The following ARHGAP15 variants were observed in gnomAD, a reference collection of about 807,000 sequenced individuals.
The protein encoded by ARHGAP15 is rho GTPase-activating protein 15.
Under a neutral mutation model 63.7 loss-of-function variants are expected in ARHGAP15, and 51 were observed. The ratio of observed to expected loss-of-function variants is 0.80; its 90% CI spans 0.64 to 1.01. The LOEUF (loss-of-function observed/expected upper bound fraction) is 1.01, where lower values mean the gene tolerates loss of function less well. Ranked by LOEUF, ARHGAP15 falls within the 50% of genes least tolerant of loss-of-function variation. ARHGAP15 has a pLI of 0.00. For synonymous variants in ARHGAP15, 191 were observed against 193.8 expected (o/e 0.99, Z 0.12); for missense variants, 560 against 564.6 (o/e 0.99, Z 0.08).
At chr2:143,277,435 A>G (rs1681615207) in intron 6 of ARHGAP15, among the ~76,000 whole-genome samples, 1 of 151,982 alleles carries the variant, frequency 6.6e-6, no homozygotes, top group African/African-American at 2.4e-5. Flanking sequence ...TGCTTGACAC[A>G]TAGATGAAAT....
intron 13 of ARHGAP15, among the ~76,000 whole-genome samples, chr2:143,710,832 A>C (rs1304807051): frequency 6.6e-6 from 1 of 152,212 alleles, no homozygotes; most frequent in Admixed American, 6.5e-5. Context: ...GAAACTGTAC[A>C]ACATTGAGAA....
intron 5 of ARHGAP15, chr2:143,235,858 A>G (rs1445007923): frequency 1.1e-5 from 15 of 1,427,274 alleles, no homozygotes; most frequent in Non-Finnish European, 1.3e-5. Context: ...ACACTTTCCT[A>G]TTTTAGTATC....
chr2:143,577,425 G>A (rs573473767), intron 11 of ARHGAP15, among the ~76,000 whole-genome samples: 1 of 152,178 alleles, frequency 6.6e-6, no homozygotes, highest in African/African-American at 2.4e-5. Context: ...CTGATTTTAA[G>A]GGACAAAAAC....
intron 8 of ARHGAP15, among the ~76,000 whole-genome samples, chr2:143,464,545 T>C (rs1691112460): frequency 6.6e-6 from 1 of 152,190 alleles, no homozygotes; most frequent in Admixed American, 6.5e-5. Flanking sequence ...AAAACTATGC[T>C]TAGTCTTGCC....
intron 8 of ARHGAP15, among the ~76,000 whole-genome samples, chr2:143,438,282 C>T (rs531141295): frequency 2.6e-5 from 4 of 152,012 alleles, no homozygotes; most frequent in East Asian, 3.9e-4. Context: ...CACATACACA[C>T]GTATGTATGT....
chr2:143,617,851 C>T (rs904837442), intron 11 of ARHGAP15, among the ~76,000 whole-genome samples: 1 of 152,188 alleles, frequency 6.6e-6, no homozygotes, highest in Non-Finnish European at 1.5e-5. Flanking sequence ...GAAGCCCTCT[C>T]CTTTGAGGAA....
intron 6 of ARHGAP15, among the ~76,000 whole-genome samples, chr2:143,426,204 A>C (rs1421592510): frequency 6.6e-6 from 1 of 152,162 alleles, no homozygotes; most frequent in Non-Finnish European, 1.5e-5. Context: ...CTGATCACAA[A>C]TACTCATTTA....
intron 9 of ARHGAP15, among the ~76,000 whole-genome samples, chr2:143,488,507 G>T (rs1226267243): frequency 6.6e-6 from 1 of 152,172 alleles, no homozygotes; most frequent in Non-Finnish European, 1.5e-5. Context: ...TAGCTTATGT[G>T]TACATTTTGA....
chr2:143,304,033 C>G (rs973004758), intron 6 of ARHGAP15, among the ~76,000 whole-genome samples: 33 of 152,044 alleles, frequency 2.2e-4, no homozygotes, highest in Admixed American at 5.2e-4. Flanking sequence ...AACCATTGTG[C>G]AAGACAGTGT....
intron 6 of ARHGAP15, among the ~76,000 whole-genome samples, chr2:143,316,403 C>T (rs1487048677): frequency 6.6e-6 from 1 of 151,642 alleles, no homozygotes; most frequent in Non-Finnish European, 1.5e-5. Flanking sequence ...AAGAACTCCC[C>T]AGCACTTGTG....
intron 12 of ARHGAP15, among the ~76,000 whole-genome samples, chr2:143,663,894 G>A (rs565288564): frequency 6.6e-6 from 1 of 152,092 alleles, no homozygotes; most frequent in African/African-American, 2.4e-5. Flanking sequence ...CAATACAGGA[G>A]CACCCAGATT....
At chr2:143,500,906 T>A (rs1262059619) in intron 9 of ARHGAP15, among the ~76,000 whole-genome samples, 1 of 152,184 alleles carries the variant, frequency 6.6e-6, no homozygotes, top group Non-Finnish European at 1.5e-5. Flanking sequence ...TTAAAATCTA[T>A]CCATATGAGA....
In ARHGAP15 at chr2:143,597,222, A is replaced by G. The variant is rs199696403; in HGVS notation, c.1004-26911A>G. Among the ~76,000 whole-genome samples, 10 of 152,258 alleles carry G rather than the reference A, an allele frequency of 6.6e-5. No individual in the cohort carries two copies. In the East Asian group the frequency reaches 1.9e-3, roughly 29 times the overall value. On this transcript the variant is annotated intron_variant, in intron 11 of 13. Transcript: ENST00000295095. ...AAAATCTAGGAATTCTCATATTTTA[A>G]TATCACTATTAGTTGATTTGCTTAA... is the stretch of plus-strand genomic sequence containing the variant.
chr2:143,220,292 C>T (rs1027451198), intron 4 of ARHGAP15, among the ~76,000 whole-genome samples: 1 of 152,034 alleles, frequency 6.6e-6, no homozygotes, highest in Non-Finnish European at 1.5e-5. Flanking sequence ...ATGCCAGCCT[C>T]CTCCACCCCC....
intron 6 of ARHGAP15, among the ~76,000 whole-genome samples, 186 bp downstream of exon 6, chr2:143,250,786 G>T (rs1680121247): frequency 6.6e-6 from 1 of 151,924 alleles, no homozygotes; most frequent in African/African-American, 2.4e-5. Flanking sequence ...CTGGCGACTG[G>T]TTGCTATCTA....
At chr2:143,147,217 C>A (rs1470805147) in intron 1 of ARHGAP15, among the ~76,000 whole-genome samples, 1 of 152,024 alleles carries the variant, frequency 6.6e-6, no homozygotes, top group Non-Finnish European at 1.5e-5. Flanking sequence ...GGGTCTGAGA[C>A]TCCATTTGTT....
intron 11 of ARHGAP15, among the ~76,000 whole-genome samples, chr2:143,596,621 A>G (rs1433430899): frequency 6.6e-6 from 1 of 152,126 alleles, no homozygotes; most frequent in Non-Finnish European, 1.5e-5. Flanking sequence ...AAAGTAAGTT[A>G]TTTATATATA....
At chr2:143,719,194 A>G (rs1323641546) in intron 13 of ARHGAP15, among the ~76,000 whole-genome samples, 2 of 152,208 alleles carry the variant, frequency 1.3e-5, no homozygotes, top group South Asian at 2.1e-4. Context: ...ACGCCTCTTC[A>G]TAGTCTTCCC....
intron 3 of ARHGAP15, among the ~76,000 whole-genome samples, chr2:143,203,392 T>G (rs1692200545): frequency 6.6e-6 from 1 of 152,122 alleles, no homozygotes; most frequent in South Asian, 2.1e-4. Context: ...ATCATTCACC[T>G]CTTATCCAGG....
Sources: allele counts gnomAD v4.1 joint callset (sites outside exome capture counted in the v4.1 genomes callset), GRCh38; gene constraint gnomAD v4.1.1; transcripts MANE v1.5; gene names NCBI Gene and HGNC (gene_info 2026-07-23, HGNC 2026-07-21).